Variants in DAB1 observed in about 807,000 individuals in gnomAD.
DAB1 encodes disabled homolog 1.
Under a neutral mutation model 64.6 loss-of-function variants are expected in DAB1, and 15 were observed. That is an observed-to-expected ratio of 0.23 (90% confidence interval 0.16 to 0.36). The LOEUF (loss-of-function observed/expected upper bound fraction) is 0.36, where lower values mean the gene tolerates loss of function less well. Ranked by LOEUF, DAB1 falls within the 10% of genes least tolerant of loss-of-function variation. DAB1 has a pLI of 1.00. For missense variants in DAB1, 596 were observed against 706.7 expected (o/e 0.84, Z 1.78); for synonymous variants, 235 against 251.9 (o/e 0.93, Z 0.64).
At chr1:57,518,724 C>A (rs1394716687) in intron 7 of DAB1, among the ~76,000 whole-genome samples, 2 of 152,218 alleles carry the variant, frequency 1.3e-5, no homozygotes, top group Non-Finnish European at 2.9e-5. Context: ...GAACTCTCAA[C>A]CCATCCCTAA....
chr1:58,128,217 C>T (rs200100849), intron 5 of DAB1, among the ~76,000 whole-genome samples: 2 of 150,594 alleles, frequency 1.3e-5, no homozygotes, highest in Admixed American at 6.6e-5. Context: ...TTCTCTTTGA[C>T]GCAATTGTGA....
At chr1:57,271,465 A>C (rs1053760224) in intron 2 of DAB1, among the ~76,000 whole-genome samples, 4 of 152,204 alleles carry the variant, frequency 2.6e-5, no homozygotes, top group African/African-American at 9.6e-5. Context: ...TTCCCTGATG[A>C]AACTCACTTC....
At chr1:58,269,705 G>T (rs1487289866) in intron 4 of DAB1, among the ~76,000 whole-genome samples, 1 of 60,984 alleles carries the variant, frequency 1.6e-5, no homozygotes. Flanking sequence ...ACTTTTTAAT[G>T]ATTGCCATTC....
At chr1:58,075,687 C>T (rs1207283643) in intron 5 of DAB1, among the ~76,000 whole-genome samples, 1 of 152,168 alleles carries the variant, frequency 6.6e-6, no homozygotes, top group Non-Finnish European at 1.5e-5. Flanking sequence ...AATTCAAGGT[C>T]ACAAATGCAG....
chr1:58,535,282 A>G (rs1369665045), intron 1 of DAB1, among the ~76,000 whole-genome samples: 1 of 152,226 alleles, frequency 6.6e-6, no homozygotes, highest in Non-Finnish European at 1.5e-5. Context: ...TTTAACTTTC[A>G]TAAAGTGTAT....
intron 4 of DAB1, among the ~76,000 whole-genome samples, chr1:57,119,898 T>C (rs947969054): frequency 2.6e-5 from 4 of 152,246 alleles, no homozygotes; most frequent in South Asian, 2.1e-4. Flanking sequence ...TGACAAGAGA[T>C]TGGAAAAAAC....
intron 3 of DAB1, among the ~76,000 whole-genome samples, chr1:58,349,886 T>C (rs1012372620): frequency 5.9e-5 from 9 of 152,220 alleles, no homozygotes; most frequent in Admixed American, 2.0e-4. Flanking sequence ...GTTCCAAGTC[T>C]TAGCTATTGT....
chr1:58,532,328 G>C (rs1379453363), intron 1 of DAB1, among the ~76,000 whole-genome samples: 1 of 152,076 alleles, frequency 6.6e-6, no homozygotes, highest in Non-Finnish European at 1.5e-5. Flanking sequence ...CACTGATAGA[G>C]ATGACAATAC....
At chr1:57,113,608 G>T (rs1347135869) in intron 4 of DAB1, among the ~76,000 whole-genome samples, 1 of 152,158 alleles carries the variant, frequency 6.6e-6, no homozygotes, top group South Asian at 2.1e-4. Context: ...TATGGACATT[G>T]AAATTTGAAC....
intron 3 of DAB1, among the ~76,000 whole-genome samples, chr1:58,401,311 T>C (rs1222792107): frequency 6.6e-6 from 1 of 152,214 alleles, no homozygotes; most frequent in Non-Finnish European, 1.5e-5. Context: ...CTTCCAGTCA[T>C]ACTGGCTTCT....
At chr1:57,626,323 T>C (rs963630002) in intron 7 of DAB1, among the ~76,000 whole-genome samples, 1 of 152,208 alleles carries the variant, frequency 6.6e-6, no homozygotes, top group African/African-American at 2.4e-5. Context: ...GCCTGCTGTG[T>C]TCTGTGGGTC....
intron 9 of DAB1, among the ~76,000 whole-genome samples, chr1:57,029,233 C>A (rs2100412997): frequency 6.6e-6 from 1 of 152,304 alleles, no homozygotes; most frequent in South Asian, 2.1e-4. Flanking sequence ...AGCCCCAAGT[C>A]TTGGCAACTT....
At chr1:58,409,874 T>C (rs990418480) in intron 3 of DAB1, among the ~76,000 whole-genome samples, 1 of 152,218 alleles carries the variant, frequency 6.6e-6, no homozygotes, top group African/African-American at 2.4e-5. Flanking sequence ...TTCCCAATTT[T>C]GTCTCCAACT....
chr1:57,037,191 G>C (rs1268075707), intron 9 of DAB1, among the ~76,000 whole-genome samples: 1 of 152,176 alleles, frequency 6.6e-6, no homozygotes, highest in Non-Finnish European at 1.5e-5. Context: ...CCATGCTGGG[G>C]AATAAACTCT....
Position 58,491,102 on chromosome 1 carries a change from C to T in DAB1, n.257+14958G>A, listed in dbSNP as rs188582458. Among the ~76,000 whole-genome samples the T allele has an allele frequency of 2.3e-3, 345 of 152,050 alleles. 2 individuals carry two copies. The highest frequency in any genetic ancestry group is 0.01 in the Middle Eastern group (3 of 294). On this transcript the variant is annotated intron_variant and non_coding_transcript_variant, in intron 3 of 20. Coordinates refer to the DAB1 transcript ENST00000485760. The stretch of plus-strand genomic sequence containing the variant: ...GATTACAGGCGTGAACCACTGCACC[C>T]GGCCCTTCAACATACTTAAAGAAAA...
intron 7 of DAB1, among the ~76,000 whole-genome samples, chr1:57,636,895 T>C (rs1009196370): frequency 6.6e-6 from 1 of 152,120 alleles, no homozygotes; most frequent in African/African-American, 2.4e-5. Context: ...GAGAGAAATA[T>C]GGATGGATAA....
intron 7 of DAB1, among the ~76,000 whole-genome samples, chr1:57,622,420 G>A (rs1046425671): frequency 5.3e-5 from 8 of 152,200 alleles, no homozygotes; most frequent in Admixed American, 1.3e-4. Context: ...GTCTGTGGAT[G>A]AGATATTAAA....
chr1:58,400,686 T>C (rs1644561302), intron 3 of DAB1, among the ~76,000 whole-genome samples: 1 of 152,074 alleles, frequency 6.6e-6, no homozygotes, highest in African/African-American at 2.4e-5. Context: ...AAAAAAATGA[T>C]CAGAACCTCA....
At chr1:57,623,140 G>A (rs1206259276) in intron 7 of DAB1, among the ~76,000 whole-genome samples, 2 of 152,086 alleles carry the variant, frequency 1.3e-5, no homozygotes, top group South Asian at 2.1e-4. Flanking sequence ...GCCATCAAAC[G>A]AGCCTGCTGT....
Sources: gnomAD v4.1 joint callset for allele counts (sites outside exome capture counted in the v4.1 genomes callset) on GRCh38, gnomAD v4.1.1 for gene constraint, MANE v1.5 for transcripts, NCBI Gene and HGNC (gene_info 2026-07-23, HGNC 2026-07-21) for gene names.